CMYA5: variants seen among roughly 807,000 people sequenced by gnomAD.
CMYA5 encodes the protein cardiomyopathy associated 5.
In CMYA5, 246 loss-of-function variants were observed where a neutral mutation model predicts 318.9. The ratio of observed to expected loss-of-function variants is 0.77; its 90% confidence interval spans 0.70 to 0.86. CMYA5 has a LOEUF of 0.86. Among genes scored for constraint, CMYA5 ranks in the 40% least tolerant of loss-of-function variants. CMYA5 has a pLI of 0.00. For missense variants in CMYA5, 4,589 were observed against 4,678.2 expected (o/e 0.98, Z 0.56); for synonymous variants, 1,641 against 1,729.5 (o/e 0.95, Z 1.27).
intron 6 of CMYA5, among the ~76,000 whole-genome samples, chr5:79,756,986 A>G (rs925991351): frequency 1.3e-5 from 2 of 152,072 alleles, no homozygotes; most frequent in Non-Finnish European, 2.9e-5. Flanking sequence ...GAGGTCAAGG[A>G]GTTTGAGACC....
chr5:79,789,011 C>T lies in CMYA5; in HGVS notation c.11596C>T (p.Leu3866Phe), dbSNP rs1037393433. The T allele has an allele frequency of 1.2e-6, 2 of 1,613,674 alleles. No homozygotes were observed. The highest frequency in any genetic ancestry group is 1.7e-5 in the Admixed American group (1 of 60,000). ...GIKGLQLKVN[L>F]QPNDNYFFYV... The stretch of plus-strand genomic sequence containing the variant: ...CAAAGGACTCCAGCTGAAAGTTAAC[C>T]TCCAACCCAATGATAACTACTTTTT... Residue 3866 changes from leucine (L) to phenylalanine (F), a missense_variant, in exon 10 of 13, where the codon CTC becomes TTC. By Grantham distance (22) the Leu-to-Phe change is conservative. This residue lies in a region of CMYA5 where 2,431 missense variants were observed against 2,495.1 expected (regional missense o/e 0.97). Coordinates refer to ENST00000446378, the MANE Select transcript of CMYA5 (RefSeq NM_153610.5).
chr5:79,795,506 T>C (rs1829260611), intron 12 of CMYA5, among the ~76,000 whole-genome samples: 1 of 152,142 alleles, frequency 6.6e-6, no homozygotes, highest in African/African-American at 2.4e-5. Context: ...CCGCACCTCC[T>C]CTGCAGTTTC....
chr5:79,757,108 T>C (rs1005317941), intron 6 of CMYA5, among the ~76,000 whole-genome samples: 6 of 151,452 alleles, frequency 4.0e-5, no homozygotes, highest in Admixed American at 3.3e-4. Flanking sequence ...GGCAGCAGAA[T>C]TGATTGAACC....
chr5:79,711,126 G>A (rs947571848), intron 1 of CMYA5, among the ~76,000 whole-genome samples: 65 of 151,928 alleles, frequency 4.3e-4, no homozygotes, highest in African/African-American at 1.5e-3. Flanking sequence ...TAATCTCTTT[G>A]TTTTTTCCCC....
rs1178171599 is a variant in CMYA5, at chr5:79,735,156, C to G, written c.6391C>G (p.Gln2131Glu). Residue 2131 changes from glutamine to glutamate, a missense_variant, in exon 2 of 13, where the codon CAA (glutamine) becomes GAA (glutamate). Gln to Glu is a conservative substitution (Grantham distance 29). Around this residue, in one of 3 missense-constraint regions of CMYA5, gnomAD observed 2,431 missense variants for 2,495.1 expected, o/e 0.97. Coordinates refer to ENST00000446378, the MANE Select transcript of CMYA5 (RefSeq NM_153610.5). ...KPSPEVKIPT[Q>E]RKPISSIHAR... ...ATCACCTGAAGTAAAAATACCCACACAAAGAAAACCCATCTCCTCAATCCA... is the reference window on the plus strand; with the variant it reads ...ATCACCTGAAGTAAAAATACCCACAGAAAGAAAACCCATCTCCTCAATCCA... 6.2e-7 allele frequency: 1 copy of G among 1,613,466 alleles called. No homozygotes were observed. Among genetic ancestry groups the G allele is most frequent in the Admixed American group, 1.7e-5 (1 of 59,926 alleles).
At position 79,730,176 on chromosome 5, in the gene CMYA5, G is replaced by A. The variant is rs114134827; in HGVS notation, c.1411G>A (p.Ala471Thr). ...TSIERAEPVS[A>T]KLTPTHPSVK... is the part of the protein sequence containing the mutation. The stretch of plus-strand genomic sequence containing the variant: ...AATAGAAAGGGCAGAACCAGTCTCC[G>A]CAAAACTGACCCCTACCCATCCCAG... The change falls in exon 2 of 13, where the codon GCA (alanine) becomes ACA (threonine). Residue 471 changes from alanine to threonine, a missense_variant. By Grantham distance (58) the Ala-to-Thr change is moderately conservative. Around this residue, in one of 3 missense-constraint regions of CMYA5, gnomAD observed 2,132 missense variants for 2,131.3 expected, o/e 1.00. Coordinates refer to ENST00000446378, the MANE Select transcript of CMYA5 (RefSeq NM_153610.5). 6.3e-4 allele frequency: 1,014 copies of A among 1,613,770 alleles called. 12 individuals are homozygous for A. In the African/African-American group the frequency reaches 0.012, roughly 19 times the overall value.
intron 7 of CMYA5, among the ~76,000 whole-genome samples, chr5:79,760,763 A>G (rs567677659): frequency 6.6e-6 from 1 of 152,332 alleles, no homozygotes; most frequent in East Asian, 1.9e-4. Context: ...AAACCATATC[A>G]TAGGACCTTG....
In CMYA5 at chr5:79,793,542, G is replaced by A. The variant is rs760031241; in HGVS notation, c.11895G>A (p.Ser3965=). 25 of 1,613,742 alleles carry A rather than the reference G, an allele frequency of 1.5e-5. No individual in the cohort carries two copies. The East Asian group carries it at 2.7e-4, about 17-fold the overall frequency. ...ATCGACTCGGCATCTGCTCCAGCTC[G>A]GCTGTGCAGGCAGGTGCCCTAGGAC... ...PAYRLGICSS[S]AVQAGALGQG... The change falls in exon 12 of 13, where the codon TCG becomes TCA. Residue 3965 remains serine, a synonymous_variant. Coordinates refer to ENST00000446378, the MANE Select transcript of CMYA5 (RefSeq NM_153610.5).
At chr5:79,724,183 G>A (rs1827701868) in intron 1 of CMYA5, among the ~76,000 whole-genome samples, 1 of 151,806 alleles carries the variant, frequency 6.6e-6, no homozygotes, top group Non-Finnish European at 1.5e-5. Context: ...AATTAGCCAG[G>A]CGTGGTGGTG....
At chr5:79,743,398 C>T (rs960885382) in intron 2 of CMYA5, among the ~76,000 whole-genome samples, 1 of 152,146 alleles carries the variant, frequency 6.6e-6, no homozygotes, top group African/African-American at 2.4e-5. Context: ...TGATCACCTT[C>T]TCAGGCCATT....
At chr5:79,793,699 C>A in intron 12 of CMYA5, 89 bp downstream of exon 12, 2 of 1,200,316 alleles carry the variant, frequency 1.7e-6, no homozygotes, top group Non-Finnish European at 2.3e-6. Context: ...TAAATAGCAC[C>A]CACTTCCATG....
At chr5:79,707,976 G>C (rs1827306908) in intron 1 of CMYA5, among the ~76,000 whole-genome samples, 1 of 152,216 alleles carries the variant, frequency 6.6e-6, no homozygotes, top group African/African-American at 2.4e-5. Flanking sequence ...AGGCCCTAGA[G>C]TGCTCCCTTC....
In CMYA5 at chr5:79,716,376, C is replaced by G. The variant is rs572214968; in HGVS notation, c.150-12539C>G. 3.9e-5 allele frequency among the ~76,000 whole-genome samples: 6 copies of G among 152,320 alleles called. No homozygotes were observed. In the South Asian group the frequency reaches 1.2e-3, roughly 32 times the overall value. ...AAATAGACAGATTTATATACCCAGTCACAGGCTGTGAAGAACCACAGCCTC... is the reference window on the plus strand; with the variant it reads ...AAATAGACAGATTTATATACCCAGTGACAGGCTGTGAAGAACCACAGCCTC... On this transcript the variant is annotated intron_variant, in intron 1 of 12. Coordinates refer to ENST00000446378, the MANE Select transcript of CMYA5 (RefSeq NM_153610.5).
intron 9 of CMYA5, among the ~76,000 whole-genome samples, chr5:79,763,859 T>G (rs1828701611): frequency 6.6e-6 from 1 of 152,242 alleles, no homozygotes; most frequent in South Asian, 2.1e-4. Flanking sequence ...AGCAGCTTCA[T>G]GTACCATGAT....
At chr5:79,791,093 G>C in intron 11 of CMYA5, 24 bp downstream of exon 11, 1 of 1,552,128 alleles carries the variant, frequency 6.4e-7, no homozygotes, top group Non-Finnish European at 8.9e-7. Flanking sequence ...GAAAGCACAA[G>C]TGGGCTGATG....
intron 9 of CMYA5, among the ~76,000 whole-genome samples, chr5:79,772,589 C>T (rs1051690799): frequency 6.6e-6 from 1 of 152,216 alleles, no homozygotes; most frequent in Non-Finnish European, 1.5e-5. Flanking sequence ...GCTAAGTCTA[C>T]TGCTGACACA....
Position 79,736,169 on chromosome 5 carries a change from A to G in CMYA5, c.7404A>G (p.Ala2468=). ...DNLENRSYTL[A]EKKVLAEKQN... ...TGGAAAACAGATCATATACCTTGGCAGAAAAGAAGGTGCTGGCAGAAAAAC... is the reference window on the plus strand; with the variant it reads ...TGGAAAACAGATCATATACCTTGGCGGAAAAGAAGGTGCTGGCAGAAAAAC... Residue 2468 remains alanine, a synonymous_variant, in exon 2 of 13, where the codon GCA becomes GCG. Coordinates refer to ENST00000446378, the MANE Select transcript of CMYA5 (RefSeq NM_153610.5). 2 of 1,613,768 alleles carry G rather than the reference A, an allele frequency of 1.2e-6. No homozygotes were observed. Among genetic ancestry groups the G allele is most frequent in the Non-Finnish European group, 1.7e-6 (2 of 1,179,774 alleles).
intron 1 of CMYA5, among the ~76,000 whole-genome samples, chr5:79,694,698 G>A (rs1410222394): frequency 1.3e-5 from 2 of 152,222 alleles, no homozygotes; most frequent in African/African-American, 4.8e-5. Context: ...GAAGGTGCAA[G>A]GAATTTGTAA....
rs1398504749 is a variant in CMYA5, at chr5:79,729,982, C to T, written c.1217C>T (p.Ala406Val). ...TGTGAGCTTGCTTCACCAGGAACTGCAGCTTCAGAGAATGACTCTTCAGTC... is the reference window on the plus strand; with the variant it reads ...TGTGAGCTTGCTTCACCAGGAACTGTAGCTTCAGAGAATGACTCTTCAGTC... ...EECELASPGT[A>V]ASENDSSVSP... The change falls in exon 2 of 13, where the codon GCA (alanine) becomes GTA (valine). Residue 406 changes from alanine (A) to valine (V), a missense_variant. Transcript: ENST00000446378. 1.9e-6 allele frequency: 3 copies of T among 1,613,994 alleles called. No individual in the cohort carries two copies. Among genetic ancestry groups the T allele is most frequent in the Non-Finnish European group, 2.5e-6 (3 of 1,179,878 alleles).
Sources: allele counts gnomAD v4.1 joint callset (sites outside exome capture counted in the v4.1 genomes callset), GRCh38; gene constraint gnomAD v4.1.1; regional missense constraint gnomAD v4.1.1; transcripts MANE v1.5; gene names NCBI Gene and HGNC (gene_info 2026-07-23, HGNC 2026-07-21).